WDR70: variants seen among roughly 807,000 people sequenced by gnomAD.
WDR70 encodes WD repeat domain 70, also known as WD repeat-containing protein 70.
A neutral mutation model predicts 88.6 loss-of-function variants in WDR70; 53 were observed. That is an observed-to-expected ratio of 0.60 (90% CI 0.48 to 0.75). The LOEUF (loss-of-function observed/expected upper bound fraction) is 0.75. Among genes scored for constraint, WDR70 ranks in the 30% least tolerant of loss-of-function variants. The probability of loss-of-function intolerance (pLI) is 0.00; values close to 1 mark genes in which losing one functional copy is unlikely to be tolerated. For missense variants in WDR70, 610 were observed against 823.2 expected, an observed-to-expected ratio of 0.74 and a Z score of 3.17; for synonymous variants, 280 against 270.0, an observed-to-expected ratio of 1.04 and a Z score of -0.36.
At chr5:37,721,758 C>T (rs967557770) in intron 14 of WDR70, 1 of 152,650 alleles carries the variant, frequency 6.6e-6, no homozygotes, top group African/African-American at 2.4e-5. Flanking sequence ...GAAAACGTAA[C>T]TAGAGGTTCA....
At chr5:37,429,165 C>A (rs1427757254) in intron 5 of WDR70, among the ~76,000 whole-genome samples, 2 of 152,126 alleles carry the variant, frequency 1.3e-5, no homozygotes, top group African/African-American at 4.8e-5. Flanking sequence ...AGTGTCTGTT[C>A]AAATCTTTTG....
chr5:37,387,491 A>G (rs1265824138), intron 3 of WDR70, among the ~76,000 whole-genome samples: 1 of 152,142 alleles, frequency 6.6e-6, no homozygotes, highest in African/African-American at 2.4e-5. Flanking sequence ...CTTGATTTAC[A>G]TCTTTGGACT....
intron 7 of WDR70, among the ~76,000 whole-genome samples, chr5:37,451,501 A>G (rs1561857636): frequency 6.6e-6 from 1 of 152,204 alleles, no homozygotes; most frequent in Non-Finnish European, 1.5e-5. Context: ...ATTAAAATGT[A>G]TATAACTACA....
intron 10 of WDR70, among the ~76,000 whole-genome samples, chr5:37,669,072 G>A (rs1745945867): frequency 6.6e-6 from 1 of 152,090 alleles, no homozygotes; most frequent in Non-Finnish European, 1.5e-5. Flanking sequence ...TGCAATAAAT[G>A]TTTTATGAAA....
Position 37,697,728 on chromosome 5 carries a change from A to G in WDR70, c.1166A>G (p.Asp389Gly), listed in dbSNP as rs779693545. 1.2e-6 allele frequency: 2 copies of G among 1,613,572 alleles called. No homozygotes were observed. Among genetic ancestry groups the G allele is most frequent in the East Asian group, 4.5e-5 (2 of 44,858 alleles). The change falls in exon 11 of 18, where the codon GAT (aspartate) becomes GGT (glycine). Residue 389 changes from aspartate (D) to glycine (G), a missense_variant. Transcript: ENST00000265107. The part of the protein sequence containing the change: ...TDTSCVTFSY[D>G]GNVLASRGGD... ...ACTTCTTGCGTGACTTTTTCCTATG[A>G]TGGTAATGTCCTTGCCTCTCGTGGA...
chr5:37,466,884 G>T (rs1441889908), intron 7 of WDR70, among the ~76,000 whole-genome samples: 2 of 151,894 alleles, frequency 1.3e-5, no homozygotes, highest in African/African-American at 4.8e-5. Flanking sequence ...CTTATAGGAT[G>T]GTATCTTAGT....
chr5:37,626,312 T>G (rs1744664278), intron 10 of WDR70, among the ~76,000 whole-genome samples: 1 of 152,226 alleles, frequency 6.6e-6, no homozygotes, highest in African/African-American at 2.4e-5. Context: ...ATTAAGAGTT[T>G]TTATCATGAA....
At chr5:37,608,275 C>T (rs1024910577) in intron 10 of WDR70, among the ~76,000 whole-genome samples, 27 of 151,946 alleles carry the variant, frequency 1.8e-4, no homozygotes, top group African/African-American at 6.3e-4. Context: ...CTCCTGACCT[C>T]GTGATCCGCC....
At chr5:37,648,269 T>C (rs969751508) in intron 10 of WDR70, among the ~76,000 whole-genome samples, 2 of 152,196 alleles carry the variant, frequency 1.3e-5, no homozygotes, top group Non-Finnish European at 2.9e-5. Flanking sequence ...CTCTGAGCTC[T>C]ATGAAAGCAG....
chr5:37,722,311 ACT>A (rs1364833423), intron 14 of WDR70: 3 of 152,808 alleles, frequency 2.0e-5, no homozygotes, highest in Admixed American at 6.5e-5. Context: ...GAAAAGGATA[ACT>A]CTGTACTACT....
chr5:37,471,692 G>A (rs1000366418), intron 7 of WDR70, among the ~76,000 whole-genome samples: 2 of 151,446 alleles, frequency 1.3e-5, no homozygotes, highest in South Asian at 2.1e-4. Context: ...CTTTAACCCC[G>A]TGTTGTCAAT....
chr5:37,721,933 T>C (rs1015915449), intron 14 of WDR70: 1 of 152,182 alleles, frequency 6.6e-6, no homozygotes, highest in African/African-American at 2.4e-5. Flanking sequence ...TGAAATTTAC[T>C]GGGGTCCCAT....
At chr5:37,446,115 A>T (rs1013900771) in intron 7 of WDR70, among the ~76,000 whole-genome samples, 3 of 152,222 alleles carry the variant, frequency 2.0e-5, no homozygotes, top group African/African-American at 7.2e-5. Context: ...ATCAATGTGC[A>T]AAAATCACAA....
intron 5 of WDR70, among the ~76,000 whole-genome samples, chr5:37,413,160 T>A (rs987440440): frequency 2.0e-5 from 3 of 152,148 alleles, no homozygotes; most frequent in Admixed American, 6.5e-5. Flanking sequence ...GTGACTATGT[T>A]CCTTAGGGTT....
intron 17 of WDR70, among the ~76,000 whole-genome samples, chr5:37,732,307 CA>C (rs149708109): frequency 6.6e-6 from 1 of 152,208 alleles, no homozygotes; most frequent in Non-Finnish European, 1.5e-5. Flanking sequence ...ACTTAGTATA[CA>C]TTGGAAGATT....
chr5:37,616,117 T>G (rs1267153960), intron 10 of WDR70, among the ~76,000 whole-genome samples: 1 of 152,154 alleles, frequency 6.6e-6, no homozygotes, highest in Non-Finnish European at 1.5e-5. Context: ...ACTTTCTCCA[T>G]AATCAAAACA....
intron 8 of WDR70, among the ~76,000 whole-genome samples, chr5:37,492,209 G>A (rs1432364537): frequency 6.6e-6 from 1 of 152,198 alleles, no homozygotes; most frequent in Admixed American, 6.5e-5. Flanking sequence ...AAAATTATGA[G>A]TTCATTTGGA....
intron 9 of WDR70, among the ~76,000 whole-genome samples, chr5:37,592,799 G>T (rs1743570748): frequency 1.3e-5 from 2 of 152,162 alleles, no homozygotes; most frequent in Non-Finnish European, 2.9e-5. Context: ...TAAATGAAAG[G>T]CTTACTGATT....
intron 7 of WDR70, among the ~76,000 whole-genome samples, chr5:37,476,104 G>A (rs1280800440): frequency 6.6e-6 from 1 of 151,856 alleles, no homozygotes; most frequent in African/African-American, 2.4e-5. Flanking sequence ...ACCCACCTCA[G>A]CCTCCCAAAG....
Sources: gnomAD v4.1 joint callset for allele counts (sites outside exome capture counted in the v4.1 genomes callset) on GRCh38, gnomAD v4.1.1 for gene constraint, MANE v1.5 for transcripts, NCBI Gene and HGNC (gene_info 2026-07-23, HGNC 2026-07-21) for gene names.